Variants in INSR observed in about 807,000 individuals in gnomAD.
INSR encodes the protein insulin receptor.
Under a neutral mutation model 142.6 loss-of-function variants are expected in INSR, and 67 were observed. The ratio of observed to expected loss-of-function variants is 0.47; its 90% confidence interval spans 0.39 to 0.58. The LOEUF (loss-of-function observed/expected upper bound fraction) is 0.58, where lower values mean the gene tolerates loss of function less well. INSR is among the 20% of genes least tolerant of loss of function. The probability of loss-of-function intolerance (pLI) is 0.00; values close to 1 mark genes in which losing one functional copy is unlikely to be tolerated. For missense variants in INSR, 1,248 were observed against 1,833.2 expected, an observed-to-expected ratio of 0.68 and a Z score of 5.83; for synonymous variants, 756 against 743.1, an observed-to-expected ratio of 1.02 and a Z score of -0.28.
intron 19 of INSR, 118 bp from the exon 20 acceptor site, chr19:7,120,867 G>A (rs183693669): frequency 3.6e-4 from 476 of 1,312,982 alleles, no homozygotes; most frequent in African/African-American, 3.1e-3. Context: ...CCACGTCTGC[G>A]CTCACCTGGG....
rs1052887527 is a variant in INSR at position 7,115,670 on chromosome 19, C to A, written c.*1386G>T. ...ATGTTCACACCCGGGAGAGGAAACG[C>A]CACAAGAGGTACACACAGAGAATCA... On this transcript the variant is annotated 3_prime_UTR_variant, in exon 22 of 22. Transcript: ENST00000302850. The A allele has an allele frequency of 3.3e-5, 5 of 152,190 alleles. No individual in the cohort carries two copies. The highest frequency in any genetic ancestry group is 7.3e-5 in the Non-Finnish European group (5 of 68,052). 9.4% of individuals were successfully genotyped at this position (152,190 alleles called of 1,614,324 possible). A position where few individuals can be genotyped will look rare whatever the true frequency, so the allele number is the denominator to read the frequency against.
intron 1 of INSR, among the ~76,000 whole-genome samples, chr19:7,269,268 A>C (rs978974565): frequency 2.2e-4 from 33 of 151,916 alleles, no homozygotes; most frequent in Non-Finnish European, 4.3e-4. Flanking sequence ...AATTAGAAAA[A>C]ACAATAACAA....
intron 2 of INSR, among the ~76,000 whole-genome samples, chr19:7,243,203 C>G (rs2145154755): frequency 6.8e-6 from 1 of 147,618 alleles, no homozygotes; most frequent in East Asian, 2.0e-4. Flanking sequence ...GTCTGACTGC[C>G]TTACGTCACA....
At chr19:7,124,596 T>TATATAC (rs1972594064) in intron 17 of INSR, among the ~76,000 whole-genome samples, 1 of 13,522 alleles carries the variant, frequency 7.4e-5, no homozygotes, top group Non-Finnish European at 1.2e-4. Context: ...AAAATATATA[T>TATATAC]ATATATATAT....
At chr19:7,133,924 T>C (rs10421414) in intron 13 of INSR, among the ~76,000 whole-genome samples, 28,461 of 151,726 alleles carry the variant, frequency 0.19, 3,522 homozygotes, top group East Asian at 0.5. Flanking sequence ...TCATTAGAAA[T>C]CAGGCAGCAG....
rs181444090 is a variant in INSR at position 7,271,324 on chromosome 19, C to T, written c.101-3428G>A. On this transcript the variant is annotated intron_variant, in intron 1 of 21. Transcript: ENST00000302850. Reference sequence around the variant, plus strand: ...CAGCCTGGCCAACACGGAGAAACCCCGTCTCTACTAAAAATACAAAAAACA... The same window carrying T: ...CAGCCTGGCCAACACGGAGAAACCCTGTCTCTACTAAAAATACAAAAAACA... Among the ~76,000 whole-genome samples, 60 of 152,006 alleles carry T rather than the reference C, an allele frequency of 3.9e-4. No individual in the cohort carries two copies. The East Asian group carries it at 0.01, about 27-fold the overall frequency.
intron 2 of INSR, among the ~76,000 whole-genome samples, chr19:7,238,450 T>C (rs1050986361): frequency 4.6e-5 from 7 of 151,594 alleles, no homozygotes; most frequent in South Asian, 2.1e-4. Context: ...TGAAACCCCA[T>C]CTCTACTAAA....
intron 9 of INSR, among the ~76,000 whole-genome samples, chr19:7,155,557 A>AC (rs1973568171): frequency 6.8e-6 from 1 of 146,326 alleles, no homozygotes. Flanking sequence ...AAAAAAAAAA[A>AC]TCTCTGGAAA....
Position 7,243,234 on chromosome 19 carries a change from G to GTTTTT in INSR, c.652+24106_652+24110dup, listed in dbSNP as rs1161289283. ...TCACAGCCAGTCACACACTGTTTTG[G>GTTTTT]TTTTTTTTTTTTTTTTTTTTTTTTT... On this transcript the variant is annotated intron_variant, in intron 2 of 21. Coordinates refer to ENST00000302850, the MANE Select transcript of INSR (RefSeq NM_000208.4). Among the ~76,000 whole-genome samples the GTTTTT allele has an allele frequency of 1.7e-3, 115 of 68,218 alleles. 10 individuals carry two copies. The highest frequency in any genetic ancestry group is 3.4e-3 in the South Asian group (4 of 1,188). The allele number at this position is 68,218 out of a possible 152,430, so 44.8% of individuals were successfully genotyped here.
At position 7,198,306 on chromosome 19, in the gene INSR, G is replaced by C. The variant is rs556280235; in HGVS notation, c.653-13669C>G. ...GGCTCCGCTCCCCAGACTGGCGCTC[G>C]GGCAGTGGCCGCCGCCGGGCGGTCC... On this transcript the variant is annotated intron_variant, in intron 2 of 21. Transcript: ENST00000302850. 4.2e-3 allele frequency among the ~76,000 whole-genome samples: 644 copies of C among 151,890 alleles called. 1 individual carries two copies. The highest frequency in any genetic ancestry group is 7.1e-3 in the Non-Finnish European group (479 of 67,900).
chr19:7,218,513 G>A (rs1053813948), intron 2 of INSR, among the ~76,000 whole-genome samples: 45 of 151,570 alleles, frequency 3.0e-4, no homozygotes, highest in African/African-American at 1.1e-3. Flanking sequence ...TTTTCTGTTT[G>A]TTTGTTTTGT....
intron 5 of INSR, 54 bp from the exon 6 acceptor site, chr19:7,170,805 C>T: frequency 1.4e-6 from 2 of 1,391,894 alleles, no homozygotes; most frequent in Non-Finnish European, 2.0e-6. Context: ...TCTACAACTC[C>T]AAGATGGTGT....
chr19:7,270,778 T>C (rs554284753), intron 1 of INSR, among the ~76,000 whole-genome samples: 1 of 146,816 alleles, frequency 6.8e-6, no homozygotes, highest in African/African-American at 2.5e-5. Flanking sequence ...ACACAACGGC[T>C]GGGCGTGGTG....
chr19:7,273,867 C>A (rs1967990418), intron 1 of INSR, among the ~76,000 whole-genome samples: 1 of 151,860 alleles, frequency 6.6e-6, no homozygotes, highest in Admixed American at 6.6e-5. Flanking sequence ...ATGGCTCACA[C>A]CTGTAATCCC....
At chr19:7,151,159 T>TC in intron 10 of INSR, among the ~76,000 whole-genome samples, 1 of 7,022 alleles carries the variant, frequency 1.4e-4, no homozygotes, top group African/African-American at 2.1e-4. Context: ...CCTTTCTTTC[T>TC]TTCTCTTTCT....
chr19:7,235,707 G>A (rs930707992), intron 2 of INSR, among the ~76,000 whole-genome samples: 12 of 152,036 alleles, frequency 7.9e-5, no homozygotes, highest in Non-Finnish European at 1.8e-4. Flanking sequence ...TTAGCTGGGT[G>A]TAGTGATGTG....
intron 8 of INSR, among the ~76,000 whole-genome samples, chr19:7,163,690 G>A (rs946906014): frequency 6.6e-6 from 1 of 151,922 alleles, no homozygotes; most frequent in Non-Finnish European, 1.5e-5. Flanking sequence ...CTGGGAGCTA[G>A]AAGTTTCTGA....
At position 7,216,991 on chromosome 19, in the gene INSR, T is replaced by C. The variant is rs1306921992; in HGVS notation, c.653-32354A>G. Among the ~76,000 whole-genome samples the C allele has an allele frequency of 4.3e-5, 1 of 23,010 alleles. No individual in the cohort carries two copies. Among genetic ancestry groups the C allele is most frequent in the East Asian group, 8.3e-4 (1 of 1,204 alleles). 15.1% of individuals were successfully genotyped at this position (23,010 alleles called of 152,430 possible). On this transcript the variant is annotated intron_variant, in intron 2 of 21. Coordinates refer to ENST00000302850, the MANE Select transcript of INSR (RefSeq NM_000208.4). The surrounding 1 kb of genome is among the most constrained non-coding windows in gnomAD (Gnocchi z 4.2). ...CAAGCCCAGCTAATTTTTCTTCTTC[T>C]TCTTCTTCTTTTTTTTTTTTTTGTA...
At chr19:7,188,591 G>A (rs1460163325) in intron 2 of INSR, among the ~76,000 whole-genome samples, 1 of 150,874 alleles carries the variant, frequency 6.6e-6, no homozygotes, top group Non-Finnish European at 1.5e-5. Context: ...TTCTAATAGG[G>A]CTAAGCACAG....
Sources: allele counts gnomAD v4.1 joint callset (sites outside exome capture counted in the v4.1 genomes callset), GRCh38; gene constraint gnomAD v4.1.1; non-coding constraint Gnocchi (gnomAD v3.1); transcripts MANE v1.5; gene names NCBI Gene and HGNC (gene_info 2026-07-23, HGNC 2026-07-21).